Variants in SMURF1 observed in about 807,000 individuals in gnomAD.
SMURF1 encodes E3 ubiquitin-protein ligase SMURF1.
Under a neutral mutation model 98.0 loss-of-function variants are expected in SMURF1, and 44 were observed. The ratio of observed to expected loss-of-function variants is 0.45; its 90% confidence interval spans 0.35 to 0.58. The LOEUF is 0.58. Among genes scored for constraint, SMURF1 ranks in the 20% least tolerant of loss-of-function variants. SMURF1 has a pLI of 0.00. For synonymous variants in SMURF1, 396 were observed against 374.9 expected, an observed-to-expected ratio of 1.06 and a Z score of -0.65; for missense variants, 687 against 938.4, an observed-to-expected ratio of 0.73 and a Z score of 3.50.
chr7:99,076,914 G>A lies in SMURF1; in HGVS notation c.56-15077C>T, dbSNP rs150566689. 2.2e-4 allele frequency among the ~76,000 whole-genome samples: 34 copies of A among 152,140 alleles called. No homozygotes were observed. In the East Asian group the frequency reaches 6.6e-3, roughly 29 times the overall value. On this transcript the variant is annotated intron_variant, in intron 1 of 17. Coordinates refer to ENST00000361368, the MANE Select transcript of SMURF1 (RefSeq NM_181349.3). The stretch of plus-strand genomic sequence containing the variant: ...GTGTGTGCGCGTGTGGGGGCGGAAG[G>A]GGTAACATGGGAACTGTCTGTCCTA...
intron 17 of SMURF1, chr7:99,031,550 T>G (rs1794890217): frequency 6.6e-6 from 1 of 152,234 alleles, no homozygotes; most frequent in African/African-American, 2.4e-5. Flanking sequence ...GAGCATACTT[T>G]CCACATCCAT....
intron 1 of SMURF1, among the ~76,000 whole-genome samples, chr7:99,124,499 C>T (rs192696353): frequency 1.3e-5 from 2 of 152,292 alleles, no homozygotes; most frequent in East Asian, 3.9e-4. Context: ...GATCCAACGG[C>T]AGGGAAGGGA....
Position 99,057,212 on chromosome 7 carries a change from C to G in SMURF1, c.396G>C (p.Gln132His). Residue 132 changes from glutamine to histidine, a missense_variant, in exon 5 of 18, where the codon CAG becomes CAC. By Grantham distance (24) the Gln-to-His change is conservative. Around this residue, in one of 2 missense-constraint regions of SMURF1, gnomAD observed 415 missense variants for 508.4 expected, o/e 0.82. Transcript: ENST00000361368. Reference protein sequence around the residue: ...NPSDTDAVRGQIVVSLQTRDR... With the variant: ...NPSDTDAVRGHIVVSLQTRDR... ...AGACAAGAAAGTTCTTACCCACTAT[C>G]TGGCCACGAACTGCATCAGTATCTG... 1 of 1,613,906 alleles carries G rather than the reference C, an allele frequency of 6.2e-7. No individual in the cohort carries two copies. Among genetic ancestry groups the G allele is most frequent in the South Asian group, 1.1e-5 (1 of 91,076 alleles).
intron 1 of SMURF1, among the ~76,000 whole-genome samples, chr7:99,076,746 G>A (rs1164998697): frequency 2.6e-5 from 4 of 152,174 alleles, no homozygotes; most frequent in Non-Finnish European, 5.9e-5. Context: ...CATGTTAGAT[G>A]CTGTTAATTG....
intron 1 of SMURF1, among the ~76,000 whole-genome samples, chr7:99,110,543 T>C (rs987560551): frequency 6.6e-6 from 1 of 152,220 alleles, no homozygotes; most frequent in African/African-American, 2.4e-5. Flanking sequence ...TACAATAAGA[T>C]GCCATCTCTC....
chr7:99,101,634 T>C (rs999044167), intron 1 of SMURF1, among the ~76,000 whole-genome samples: 1 of 152,092 alleles, frequency 6.6e-6, no homozygotes, highest in Non-Finnish European at 1.5e-5. Flanking sequence ...AATCTCACCC[T>C]CAAGGGAAAA....
At chr7:99,068,113 C>T (rs1796240644) in intron 1 of SMURF1, among the ~76,000 whole-genome samples, 1 of 152,194 alleles carries the variant, frequency 6.6e-6, no homozygotes, top group Admixed American at 6.5e-5. Flanking sequence ...TGTTATTCCT[C>T]TCTTCTTCTT....
At chr7:99,130,898 A>G (rs1346658532) in intron 1 of SMURF1, among the ~76,000 whole-genome samples, 2 of 152,208 alleles carry the variant, frequency 1.3e-5, no homozygotes, top group Admixed American at 1.3e-4. Flanking sequence ...CGGTTGGTTC[A>G]GCAATGAACA....
At chr7:99,035,998 C>A in intron 15 of SMURF1, 1 of 448,824 alleles carries the variant, frequency 2.2e-6, no homozygotes, top group South Asian at 2.1e-5. Context: ...TGCTCTGCAT[C>A]GGTGAGGAGT....
At chr7:99,062,043 C>T (rs148078853) in intron 1 of SMURF1, among the ~76,000 whole-genome samples, 2 of 151,520 alleles carry the variant, frequency 1.3e-5, no homozygotes, top group African/African-American at 4.8e-5. Flanking sequence ...ATAACAAATA[C>T]AAAATGCTTT....
At chr7:99,063,280 TATATATATATATATATATATATATAA>T (rs1563012858) in intron 1 of SMURF1, among the ~76,000 whole-genome samples, 25 of 16,320 alleles carry the variant, frequency 1.5e-3, no homozygotes, top group African/African-American at 3.4e-3. Context: ...TATATATATA[TATATATATATATATATATATATATAA>T]AAAGAGACAG....
chr7:99,038,286 C>T, intron 14 of SMURF1, 102 bp downstream of exon 14: 1 of 1,356,976 alleles, frequency 7.4e-7, no homozygotes, highest in Non-Finnish European at 1.0e-6. Flanking sequence ...AAGCACCAGC[C>T]ATCAGGGACA....
chr7:99,112,334 G>A (rs1370616502), intron 1 of SMURF1, among the ~76,000 whole-genome samples: 4 of 151,982 alleles, frequency 2.6e-5, no homozygotes, highest in African/African-American at 9.7e-5. Context: ...GGGGGTTTCT[G>A]TTGTTGTTGT....
chr7:99,045,890 C>T, intron 10 of SMURF1, 89 bp from the exon 11 acceptor site: 3 of 959,102 alleles, frequency 3.1e-6, no homozygotes, highest in Non-Finnish European at 5.0e-6. Flanking sequence ...CGGTTAAGAA[C>T]ACGCATCCAT....
At chr7:99,097,123 A>AT (rs1796971781) in intron 1 of SMURF1, among the ~76,000 whole-genome samples, 1 of 152,196 alleles carries the variant, frequency 6.6e-6, no homozygotes, top group African/African-American at 2.4e-5. Flanking sequence ...TAAACTTAGA[A>AT]TGAAATTTAT....
At chr7:99,083,728 A>C (rs181907184) in intron 1 of SMURF1, among the ~76,000 whole-genome samples, 1 of 152,132 alleles carries the variant, frequency 6.6e-6, no homozygotes, top group East Asian at 1.9e-4. Flanking sequence ...TGGATTTCAA[A>C]CCCCCCCAAA....
chr7:99,123,793 AT>A (rs1345910799), intron 1 of SMURF1, among the ~76,000 whole-genome samples: 1 of 152,198 alleles, frequency 6.6e-6, no homozygotes, highest in Non-Finnish European at 1.5e-5. Flanking sequence ...TTTAGAAACA[AT>A]CTTTACTCCA....
At chr7:99,108,256 C>T (rs35144372) in intron 1 of SMURF1, among the ~76,000 whole-genome samples, 8,809 of 151,692 alleles carry the variant, frequency 0.058, 364 homozygotes, top group East Asian at 0.18. Context: ...CTCGCTCTGT[C>T]GCCCAGGCTG....
In SMURF1 at chr7:99,028,206, G is replaced by A. The variant is rs1250056829; in HGVS notation, c.*2378C>T. 6.6e-6 allele frequency: 1 copy of A among 152,664 alleles called. No individual in the cohort carries two copies. Among genetic ancestry groups the A allele is most frequent in the Non-Finnish European group, 1.5e-5 (1 of 68,104 alleles). 9.5% of individuals were successfully genotyped at this position (152,664 alleles called of 1,614,324 possible). On this transcript the variant is annotated 3_prime_UTR_variant, in exon 18 of 18. Transcript: ENST00000361368. ...CGCGGACCCAAAGTAGAACAGTCGG[G>A]AAGCTTTTACCATTTGCTTTGCCAT...
Sources: gnomAD v4.1 joint callset for allele counts (sites outside exome capture counted in the v4.1 genomes callset) on GRCh38, gnomAD v4.1.1 for gene constraint, gnomAD v4.1.1 regional missense constraint, MANE v1.5 for transcripts, NCBI Gene and HGNC (gene_info 2026-07-23, HGNC 2026-07-21) for gene names.